Variants in LATS1 observed in about 807,000 individuals in gnomAD.
The protein encoded by LATS1 is serine/threonine-protein kinase LATS1.
A neutral mutation model predicts 106.6 loss-of-function variants in LATS1; 25 were observed. The ratio of observed to expected loss-of-function variants is 0.23; its 90% CI spans 0.17 to 0.33. The LOEUF (loss-of-function observed/expected upper bound fraction) is 0.33, where lower values mean the gene tolerates loss of function less well. Among genes scored for constraint, LATS1 ranks in the 10% least tolerant of loss-of-function variants. The pLI is 1.00. For synonymous variants in LATS1, 465 were observed against 455.6 expected, an observed-to-expected ratio of 1.02 and a Z score of -0.26; for missense variants, 1,040 against 1,382.6, an observed-to-expected ratio of 0.75 and a Z score of 3.93.
At chr6:149,666,154 A>AAG (rs1781135489) in intron 7 of LATS1, among the ~76,000 whole-genome samples, 1 of 151,622 alleles carries the variant, frequency 6.6e-6, no homozygotes, top group African/African-American at 2.4e-5. Flanking sequence ...AAAAAAAAAA[A>AAG]AAAAAAATCC....
rs910058592 is a variant in LATS1, at chr6:149,658,507, G to A, written c.*3222C>T. The A allele has an allele frequency of 2.0e-5, 3 of 152,078 alleles. No individual in the cohort carries two copies. Among genetic ancestry groups the A allele is most frequent in the African/African-American group, 7.2e-5 (3 of 41,408 alleles). 9.4% of individuals were successfully genotyped at this position (152,078 alleles called of 1,614,324 possible). On this transcript the variant is annotated 3_prime_UTR_variant, in exon 8 of 8. Coordinates refer to ENST00000543571, the MANE Select transcript of LATS1 (RefSeq NM_004690.4). Reference sequence around the variant, plus strand: ...TTTTTGCTTTAGATTAAAATGAACAGGCTAAATGTTCCACTTTAAATACCA... The same window carrying A: ...TTTTTGCTTTAGATTAAAATGAACAAGCTAAATGTTCCACTTTAAATACCA...
rs541836967 is a variant in LATS1 at position 149,692,384 on chromosome 6, T to C, written c.496+2690A>G. On this transcript the variant is annotated intron_variant, in intron 3 of 7. Coordinates refer to ENST00000543571, the MANE Select transcript of LATS1 (RefSeq NM_004690.4). ...TCAGATATCAGCTTTATTATCAGTT[T>C]GTTAGGAAGGGTTTTTCTGAACTTC... 1.1e-4 allele frequency among the ~76,000 whole-genome samples: 17 copies of C among 152,258 alleles called. No individual in the cohort carries two copies. The South Asian group carries it at 3.3e-3, about 30-fold the overall frequency.
chr6:149,702,484 A>T (rs796324567), intron 1 of LATS1: 11 of 137,516 alleles, frequency 8.0e-5, no homozygotes, highest in African/African-American at 2.7e-4. Context: ...ATGATGATTT[A>T]AAAAAAAAAA....
rs571493188 is a variant in LATS1 at position 149,660,229 on chromosome 6, G to C, written c.*1500C>G. ...AAAAGAACCACTAACCCCAAAAGACGCACGATAACACAGTAGTGGGTTTTC... is the reference window on the plus strand; with the variant it reads ...AAAAGAACCACTAACCCCAAAAGACCCACGATAACACAGTAGTGGGTTTTC... On this transcript the variant is annotated 3_prime_UTR_variant, in exon 8 of 8. Coordinates refer to ENST00000543571, the MANE Select transcript of LATS1 (RefSeq NM_004690.4). The C allele has an allele frequency of 3.9e-5, 9 of 232,632 alleles. No individual in the cohort carries two copies. Among genetic ancestry groups the C allele is most frequent in the South Asian group, 1.8e-4 (1 of 5,516 alleles). 14.4% of individuals were successfully genotyped at this position (232,632 alleles called of 1,614,324 possible). A position where few individuals can be genotyped will look rare whatever the true frequency, so the allele number is the denominator to read the frequency against.
At chr6:149,676,193 T>C (rs1354021756) in intron 7 of LATS1, 67 bp downstream of exon 7, 18 of 1,088,136 alleles carry the variant, frequency 1.7e-5, no homozygotes, top group Non-Finnish European at 2.6e-5. Flanking sequence ...CTCTACGTAC[T>C]AATAAATAAA....
chr6:149,698,608 T>C (rs942562543), intron 2 of LATS1, among the ~76,000 whole-genome samples: 11 of 150,890 alleles, frequency 7.3e-5, no homozygotes, highest in Non-Finnish European at 1.5e-4. Flanking sequence ...TGGAGTACAA[T>C]GGTGTGATCT....
chr6:149,666,202 C>G (rs1265754089), intron 7 of LATS1, among the ~76,000 whole-genome samples: 1 of 144,690 alleles, frequency 6.9e-6, no homozygotes, highest in African/African-American at 2.6e-5. Context: ...GTCCAGGATA[C>G]AATCCAAAAT....
chr6:149,717,896 C>T lies in LATS1; in HGVS notation c.-188G>A. 2 of 371,266 alleles carry T rather than the reference C, an allele frequency of 5.4e-6. No individual in the cohort carries two copies. Among genetic ancestry groups the T allele is most frequent in the Non-Finnish European group, 1.1e-5 (2 of 190,202 alleles). The allele number at this position is 371,266 out of a possible 1,614,324, so 23.0% of individuals were successfully genotyped here. A position where few individuals can be genotyped will look rare whatever the true frequency, so the allele number is the denominator to read the frequency against. Reference sequence around the variant, plus strand: ...TGGACAGCGGCCACGGGCCTGAGGGCGGACGCTGAGGCGGCCAGAGTCCGT... The same window carrying T: ...TGGACAGCGGCCACGGGCCTGAGGGTGGACGCTGAGGCGGCCAGAGTCCGT... On this transcript the variant is annotated 5_prime_UTR_variant, in exon 1 of 8. Coordinates refer to ENST00000543571, the MANE Select transcript of LATS1 (RefSeq NM_004690.4).
chr6:149,688,332 G>C (rs1290075011), intron 3 of LATS1, among the ~76,000 whole-genome samples: 1 of 151,620 alleles, frequency 6.6e-6, no homozygotes, highest in Non-Finnish European at 1.5e-5. Flanking sequence ...TTTTGACATG[G>C]AGTCTTCGCT....
intron 7 of LATS1, among the ~76,000 whole-genome samples, chr6:149,663,160 G>C (rs1365816995): frequency 6.6e-6 from 1 of 152,102 alleles, no homozygotes; most frequent in Non-Finnish European, 1.5e-5. Context: ...TTAAGTGGTA[G>C]AATGCATTGT....
rs1293669564 is a variant in LATS1, at chr6:149,659,606, T to C, written c.*2123A>G. On this transcript the variant is annotated 3_prime_UTR_variant, in exon 8 of 8. Coordinates refer to ENST00000543571, the MANE Select transcript of LATS1 (RefSeq NM_004690.4). Reference sequence around the variant, plus strand: ...TAAATGTAACAAAGTTATCTTCTACTGTATTGCACCTTAGTCCAAAAGTAA... The same window carrying C: ...TAAATGTAACAAAGTTATCTTCTACCGTATTGCACCTTAGTCCAAAAGTAA... 1.3e-5 allele frequency: 3 copies of C among 230,906 alleles called. No homozygotes were observed. Among genetic ancestry groups the C allele is most frequent in the African/African-American group, 2.2e-5 (1 of 45,236 alleles). The allele number at this position is 230,906 out of a possible 1,614,324, so 14.3% of individuals were successfully genotyped here.
chr6:149,689,254 G>A (rs1246114464), intron 3 of LATS1, among the ~76,000 whole-genome samples: 2 of 151,996 alleles, frequency 1.3e-5, no homozygotes, highest in Non-Finnish European at 2.9e-5. Context: ...CTGTAGAACA[G>A]TAAATGAAGG....
chr6:149,673,721 T>C (rs1397758363), intron 7 of LATS1, among the ~76,000 whole-genome samples: 2 of 151,522 alleles, frequency 1.3e-5, no homozygotes, highest in African/African-American at 4.9e-5. Context: ...TCGCCCAGGC[T>C]GGAGTGCAAT....
rs556271529 is a variant in LATS1, at chr6:149,683,586, C to A, written c.1503G>T (p.Met501Ile). ...TCTGTAGCTCTGGTTTTAATACACGCATACTTTTCACAGGCTGTTGAATAG... is the reference window on the plus strand; with the variant it reads ...TCTGTAGCTCTGGTTTTAATACACGAATACTTTTCACAGGCTGTTGAATAG... ...PAPIQQPVKS[M>I]RVLKPELQTA... The change falls in exon 4 of 8, where the codon ATG becomes ATT. Residue 501 changes from methionine (M) to isoleucine (I), a missense_variant. This residue lies in a region of LATS1 where 624 missense variants were observed against 714.8 expected (regional missense o/e 0.87). Coordinates refer to ENST00000543571, the MANE Select transcript of LATS1 (RefSeq NM_004690.4). 1 of 1,614,242 alleles carries A rather than the reference C, an allele frequency of 6.2e-7. No homozygotes were observed. Among genetic ancestry groups the A allele is most frequent in the East Asian group, 2.2e-5 (1 of 44,886 alleles).
chr6:149,674,034 T>C (rs1781578262), intron 7 of LATS1, among the ~76,000 whole-genome samples: 1 of 151,226 alleles, frequency 6.6e-6, no homozygotes, highest in Non-Finnish European at 1.5e-5. Flanking sequence ...TTAAGAAAGG[T>C]GGAAATCAAA....
chr6:149,691,573 G>C (rs897004387), intron 3 of LATS1, among the ~76,000 whole-genome samples: 2 of 151,958 alleles, frequency 1.3e-5, no homozygotes, highest in Non-Finnish European at 2.9e-5. Context: ...CTCTTACTGT[G>C]GCTTCCAAAA....
At chr6:149,708,338 C>G (rs1261757139) in intron 1 of LATS1, among the ~76,000 whole-genome samples, 1 of 151,150 alleles carries the variant, frequency 6.6e-6, no homozygotes, top group Non-Finnish European at 1.5e-5. Context: ...TCGCTTGAAC[C>G]ACAGAGGCAG....
rs1782241685 is a variant in LATS1, at chr6:149,684,382, G to A, written c.707C>T (p.Pro236Leu). 1 of 1,613,980 alleles carries A rather than the reference G, an allele frequency of 6.2e-7. No individual in the cohort carries two copies. Among genetic ancestry groups the A allele is most frequent in the East Asian group, 2.2e-5 (1 of 44,870 alleles). ...ACTCCTTACTTGAGGTGGTGGTGGGGGGTTCACTCTCTGTCCGTTGCTAGG... is the reference window on the plus strand; with the variant it reads ...ACTCCTTACTTGAGGTGGTGGTGGGAGGTTCACTCTCTGTCCGTTGCTAGG... ...AHPSNGQRVN[P>L]PPPPQVRSVT... The change falls in exon 4 of 8, where the codon CCC becomes CTC. Residue 236 changes from proline (P) to leucine (L), a missense_variant. Pro to Leu is a moderately conservative substitution (Grantham distance 98). Around this residue, in one of 7 missense-constraint regions of LATS1, gnomAD observed 624 missense variants for 714.8 expected, o/e 0.87. Coordinates refer to ENST00000543571, the MANE Select transcript of LATS1 (RefSeq NM_004690.4).
rs1781933989 is a variant in LATS1 at position 149,679,744 on chromosome 6, T to C, written c.2593+131A>G. 1.2e-5 allele frequency: 8 copies of C among 643,384 alleles called. No homozygotes were observed. In the South Asian group the frequency reaches 2.0e-4, roughly 16 times the overall value. The allele number at this position is 643,384 out of a possible 1,614,324, so 39.9% of individuals were successfully genotyped here. A position where few individuals can be genotyped will look rare whatever the true frequency, so the allele number is the denominator to read the frequency against. On this transcript the variant is annotated intron_variant, in intron 5 of 7. Transcript: ENST00000543571. ...AGTGCCTAATGGAGTCACCCAAGTT[T>C]ATCCAACAGAATCAAGACCTGACCC...
Sources: gnomAD v4.1 joint callset for allele counts (sites outside exome capture counted in the v4.1 genomes callset) on GRCh38, gnomAD v4.1.1 for gene constraint, gnomAD v4.1.1 regional missense constraint, MANE v1.5 for transcripts, NCBI Gene and HGNC (gene_info 2026-07-23, HGNC 2026-07-21) for gene names.